The following NSD1 variants were observed in gnomAD, a reference collection of about 807,000 sequenced individuals.
NSD1 encodes histone-lysine N-methyltransferase, H3 lysine-36 specific.
In NSD1, 26 loss-of-function variants were observed where a neutral mutation model predicts 242.7. The observed-to-expected ratio is 0.11, with a 90% CI of 0.08 to 0.15. The LOEUF (loss-of-function observed/expected upper bound fraction) is 0.15, where lower values mean the gene tolerates loss of function less well. Among genes scored for constraint, NSD1 ranks in the 10% least tolerant of loss-of-function variants. The pLI, the probability that NSD1 is intolerant of heterozygous loss-of-function variation, is 1.00. For missense variants in NSD1, 2,495 were observed against 3,272.8 expected (o/e 0.76, Z 5.80); for synonymous variants, 1,106 against 1,178.1 (o/e 0.94, Z 1.25).
chr5:177,290,495 T>C (rs999401108), intron 21 of NSD1, among the ~76,000 whole-genome samples: 1 of 151,470 alleles, frequency 6.6e-6, no homozygotes, highest in East Asian at 1.9e-4. Flanking sequence ...GTAACCTCCG[T>C]CTCCCAGGTT....
chr5:177,195,319 T>C (rs1011543504), intron 3 of NSD1, among the ~76,000 whole-genome samples: 17 of 152,184 alleles, frequency 1.1e-4, no homozygotes, highest in African/African-American at 4.1e-4. Context: ...ACTTTCTCTT[T>C]AATTCAAAAA....
At chr5:177,241,065 A>G (rs1765819144) in intron 8 of NSD1, among the ~76,000 whole-genome samples, 1 of 152,176 alleles carries the variant, frequency 6.6e-6, no homozygotes, top group Non-Finnish European at 1.5e-5. Flanking sequence ...CATGGACACA[A>G]AGATGTTCTC....
intron 2 of NSD1, among the ~76,000 whole-genome samples, chr5:177,173,164 T>C (rs1759860758): frequency 6.6e-6 from 1 of 150,432 alleles, no homozygotes; most frequent in African/African-American, 2.4e-5. Flanking sequence ...TGGTGGCAGG[T>C]GCCTGTAGTC....
At chr5:177,283,962 C>T (rs1471215113) in intron 20 of NSD1, 34 bp downstream of exon 20, 2 of 1,613,600 alleles carry the variant, frequency 1.2e-6, no homozygotes, top group East Asian at 2.2e-5. Flanking sequence ...CAGCTGACAT[C>T]TGAATTTCAG....
At chr5:177,190,190 G>A (rs1409955985) in intron 2 of NSD1, among the ~76,000 whole-genome samples, 2 of 151,950 alleles carry the variant, frequency 1.3e-5, no homozygotes, top group Non-Finnish European at 2.9e-5. Flanking sequence ...CTCCTAGGCT[G>A]GAGTGATCCT....
At chr5:177,264,461 C>CT in intron 14 of NSD1, among the ~76,000 whole-genome samples, 1 of 152,160 alleles carries the variant, frequency 6.6e-6, no homozygotes, top group Non-Finnish European at 1.5e-5. Context: ...CAATATATCT[C>CT]TGAGAGGCCA....
intron 21 of NSD1, among the ~76,000 whole-genome samples, chr5:177,290,246 A>G (rs369192385): frequency 1.3e-5 from 2 of 149,580 alleles, no homozygotes; most frequent in South Asian, 2.2e-4. Flanking sequence ...TCTGTATCAT[A>G]AGTAACAGCA....
intron 19 of NSD1, 91 bp from the exon 20 acceptor site, chr5:177,283,696 G>C: frequency 6.9e-7 from 1 of 1,439,666 alleles, no homozygotes; most frequent in Non-Finnish European, 9.7e-7. Flanking sequence ...TTTACAAATA[G>C]AAACTCCAAC....
At chr5:177,146,080 T>TAA (rs79707078) in intron 2 of NSD1, among the ~76,000 whole-genome samples, 3 of 143,488 alleles carry the variant, frequency 2.1e-5, no homozygotes, top group African/African-American at 5.1e-5. Flanking sequence ...CCCTGTCTCT[T>TAA]AAAAAAAAAA....
At chr5:177,285,705 G>T (rs1278005885) in intron 20 of NSD1, among the ~76,000 whole-genome samples, 1 of 152,040 alleles carries the variant, frequency 6.6e-6, no homozygotes, top group Non-Finnish European at 1.5e-5. Context: ...AACTGGGATA[G>T]AACTGGCCTA....
chr5:177,284,440 G>GGATTTTT (rs1328232501), intron 20 of NSD1, among the ~76,000 whole-genome samples: 1 of 151,958 alleles, frequency 6.6e-6, no homozygotes, highest in Non-Finnish European at 1.5e-5. Context: ...CCCATTCCCA[G>GGATTTTT]GTTTTTTGTT....
At chr5:177,199,888 C>T (rs943753085) in intron 3 of NSD1, among the ~76,000 whole-genome samples, 2 of 151,996 alleles carry the variant, frequency 1.3e-5, no homozygotes, top group African/African-American at 4.8e-5. Flanking sequence ...AGCCACCACG[C>T]CCGGCCTCAA....
chr5:177,193,138 T>TTTTTA (rs1391895908), intron 3 of NSD1, among the ~76,000 whole-genome samples: 2 of 152,082 alleles, frequency 1.3e-5, no homozygotes, highest in Non-Finnish European at 2.9e-5. Flanking sequence ...ACTTGATTTA[T>TTTTTA]TTTTATTTTA....
At chr5:177,215,497 ATACC>A (rs1320116080) in intron 5 of NSD1, among the ~76,000 whole-genome samples, 2 of 151,480 alleles carry the variant, frequency 1.3e-5, no homozygotes, top group African/African-American at 4.9e-5. Flanking sequence ...TTTTGGATAA[ATACC>A]TAGAATGGCA....
In NSD1 at chr5:177,134,559, C is replaced by CGGCTCGCCT. The variant is rs1238569892; in HGVS notation, c.-17-526_-17-518dup. Among the ~76,000 whole-genome samples, 2 of 152,210 alleles carry CGGCTCGCCT rather than the reference C, an allele frequency of 1.3e-5. No individual in the cohort carries two copies. The highest frequency in any genetic ancestry group is 2.9e-5 in the Non-Finnish European group (2 of 68,022). ...AGCTCTGGGGTGCAGCCGCCTCGGC[C>CGGCTCGCCT]GGCTCGCCTGCGGCCTGCGCACCGC... is the stretch of plus-strand genomic sequence containing the variant. On this transcript the variant is annotated intron_variant, in intron 1 of 22. Transcript: ENST00000439151. The surrounding 1 kb of genome is among the most constrained non-coding windows in gnomAD (Gnocchi z 4.2).
intron 5 of NSD1, among the ~76,000 whole-genome samples, chr5:177,222,702 G>T (rs952354905): frequency 1.3e-5 from 2 of 152,082 alleles, no homozygotes; most frequent in South Asian, 4.1e-4. Flanking sequence ...TTGCCTTTTG[G>T]TTATTAAGTA....
chr5:177,204,325 C>G (rs777728413), intron 4 of NSD1, 33 bp downstream of exon 4: 2 of 1,588,974 alleles, frequency 1.3e-6, no homozygotes, highest in South Asian at 2.2e-5. Flanking sequence ...TATTGAGTGA[C>G]AGAAGCAAGT....
chr5:177,214,224 C>T (rs145648268), intron 5 of NSD1, among the ~76,000 whole-genome samples: 3,852 of 152,054 alleles, frequency 0.025, 48 homozygotes, highest in Non-Finnish European at 0.029. Context: ...ACCAGCCACT[C>T]GGGAGGCTGA....
intron 4 of NSD1, among the ~76,000 whole-genome samples, chr5:177,207,332 G>C (rs1762956582): frequency 6.6e-6 from 1 of 151,548 alleles, no homozygotes; most frequent in Non-Finnish European, 1.5e-5. Context: ...GTGCAGGCTG[G>C]AGTGCAGTGG....
Sources: allele counts gnomAD v4.1 joint callset (sites outside exome capture counted in the v4.1 genomes callset), GRCh38; gene constraint gnomAD v4.1.1; non-coding constraint Gnocchi (gnomAD v3.1); transcripts MANE v1.5; gene names NCBI Gene and HGNC (gene_info 2026-07-23, HGNC 2026-07-21).